The following ADCY1 variants were observed in gnomAD, a reference collection of about 807,000 sequenced individuals.
ADCY1 encodes adenylate cyclase 1.
ADCY1 carries 28 observed loss-of-function variants against 105.4 expected under a neutral mutation model. That is an observed-to-expected ratio of 0.27 (90% CI 0.20 to 0.36). The LOEUF is 0.36. ADCY1 is among the 10% of genes least tolerant of loss of function. The probability of loss-of-function intolerance (pLI) is 1.00; values close to 1 mark genes in which losing one functional copy is unlikely to be tolerated. For missense variants in ADCY1, 977 were observed against 1,434.2 expected (o/e 0.68, Z 5.15); for synonymous variants, 655 against 623.8 (o/e 1.05, Z -0.75).
chr7:45,614,134 T>C (rs1793667496), intron 3 of ADCY1, among the ~76,000 whole-genome samples: 1 of 152,198 alleles, frequency 6.6e-6, no homozygotes, highest in African/African-American at 2.4e-5. Context: ...ACTGTAATTG[T>C]AGTGCATAAA....
At chr7:45,639,424 A>G (rs909658041) in intron 4 of ADCY1, among the ~76,000 whole-genome samples, 14 of 152,212 alleles carry the variant, frequency 9.2e-5, no homozygotes, top group Admixed American at 5.2e-4. Flanking sequence ...TAACAGGAAC[A>G]TGAACTGGTT....
intron 14 of ADCY1, among the ~76,000 whole-genome samples, chr7:45,693,754 G>T (rs1165306357): frequency 6.8e-6 from 1 of 146,886 alleles, no homozygotes; most frequent in Non-Finnish European, 1.5e-5. Flanking sequence ...AGAAAATGTG[G>T]CACATATACA....
intron 1 of ADCY1, among the ~76,000 whole-genome samples, chr7:45,578,446 T>C (rs1365159740): frequency 6.6e-6 from 1 of 152,228 alleles, no homozygotes; most frequent in East Asian, 1.9e-4. Flanking sequence ...ACTGAAAGCA[T>C]CCTATTCAAG....
intron 2 of ADCY1, among the ~76,000 whole-genome samples, chr7:45,601,230 G>T (rs1035141237): frequency 3.9e-5 from 6 of 152,132 alleles, no homozygotes; most frequent in Non-Finnish European, 7.3e-5. Context: ...GTCCCTTCCT[G>T]CTGGGTTTCC....
chr7:45,587,325 G>A (rs567829024), intron 1 of ADCY1, among the ~76,000 whole-genome samples: 1 of 152,144 alleles, frequency 6.6e-6, no homozygotes, highest in African/African-American at 2.4e-5. Flanking sequence ...AGGGCTCAGC[G>A]GGTCTCTTGT....
chr7:45,714,245 G>A lies in ADCY1; in HGVS notation c.*250G>A, dbSNP rs1287106252. On this transcript the variant is annotated 3_prime_UTR_variant, in exon 20 of 20. Transcript: ENST00000297323. ...CACTTCCAGGCCTCCCTGGAGAGGTGTCCACTCCATCCTTCCCTCCGTGGC... is the reference window on the plus strand; with the variant it reads ...CACTTCCAGGCCTCCCTGGAGAGGTATCCACTCCATCCTTCCCTCCGTGGC... The A allele has an allele frequency of 1.9e-6, 1 of 532,292 alleles. No homozygotes were observed. The highest frequency in any genetic ancestry group is 3.0e-5 in the East Asian group (1 of 33,820). The allele number at this position is 532,292 out of a possible 1,614,324, so 33.0% of individuals were successfully genotyped here.
intron 14 of ADCY1, among the ~76,000 whole-genome samples, chr7:45,697,101 A>G (rs1487100291): frequency 1.3e-5 from 2 of 152,198 alleles, no homozygotes. Context: ...AACTTCAGTC[A>G]CTGAAACTGA....
intron 19 of ADCY1, among the ~76,000 whole-genome samples, chr7:45,711,989 ATTT>A (rs1208505477): frequency 1.2e-3 from 141 of 117,462 alleles, no homozygotes; most frequent in Non-Finnish European, 2.0e-3. Flanking sequence ...TTAAATATAT[ATTT>A]TATATATTAT....
At chr7:45,704,706 G>T (rs1785074953) in intron 17 of ADCY1, 90 bp downstream of exon 17, 2 of 1,025,242 alleles carry the variant, frequency 2.0e-6, no homozygotes, top group Admixed American at 2.1e-5. Context: ...CCACACTGGG[G>T]TTTGTTTGCC....
intron 4 of ADCY1, among the ~76,000 whole-genome samples, chr7:45,626,225 A>G (rs1411933650): frequency 2.6e-5 from 4 of 152,244 alleles, no homozygotes. Context: ...GTACACCAGT[A>G]AAACTTTACA....
At chr7:45,633,253 T>C (rs1794309353) in intron 4 of ADCY1, among the ~76,000 whole-genome samples, 1 of 152,204 alleles carries the variant, frequency 6.6e-6, no homozygotes, top group South Asian at 2.1e-4. Context: ...TTTCTGATTG[T>C]TCATTACTGG....
intron 14 of ADCY1, among the ~76,000 whole-genome samples, chr7:45,700,908 G>T (rs547858260): frequency 1.6e-4 from 25 of 152,304 alleles, no homozygotes; most frequent in Middle Eastern, 6.8e-3. Flanking sequence ...TATGCTGTTT[G>T]TTATTTTGTT....
At chr7:45,660,984 GTTCATGGCTCAGGTGAGGGA>G (rs1795085008) in intron 7 of ADCY1, among the ~76,000 whole-genome samples, 3 of 151,230 alleles carry the variant, frequency 2.0e-5, no homozygotes, top group Non-Finnish European at 3.0e-5. Context: ...TAGGTGAGGG[GTTCATGGCTCAGGTGAGGGA>G]TTCAGGGCTC....
chr7:45,636,360 G>A (rs962145373), intron 4 of ADCY1, among the ~76,000 whole-genome samples: 32 of 152,120 alleles, frequency 2.1e-4, no homozygotes, highest in African/African-American at 7.2e-4. Flanking sequence ...GTAAATAGTT[G>A]TTATGCTGTA....
chr7:45,679,665 C>CT (rs1231107465), intron 10 of ADCY1, 44 bp from the exon 11 acceptor site: 4 of 1,607,208 alleles, frequency 2.5e-6, no homozygotes, highest in Non-Finnish European at 3.4e-6. Flanking sequence ...TCCGCCTCTC[C>CT]TAATCCCCAC....
At chr7:45,578,003 A>G (rs1463841473) in intron 1 of ADCY1, among the ~76,000 whole-genome samples, 1 of 152,164 alleles carries the variant, frequency 6.6e-6, no homozygotes, top group African/African-American at 2.4e-5. Context: ...TGCCCCTCCA[A>G]AGCAAGGCTC....
intron 8 of ADCY1, 55 bp downstream of exon 8, chr7:45,662,269 C>G: frequency 6.4e-7 from 1 of 1,557,220 alleles, no homozygotes; most frequent in Non-Finnish European, 8.7e-7. Context: ...TGATCTCTGT[C>G]CTGCCCTCCC....
intron 4 of ADCY1, among the ~76,000 whole-genome samples, chr7:45,641,932 C>CAAAAAAA (rs56808890): frequency 2.2e-4 from 8 of 36,402 alleles, no homozygotes; most frequent in South Asian, 2.4e-3. Context: ...GACTCCGTCT[C>CAAAAAAA]AAAAAAAAAA....
chr7:45,638,328 C>T (rs541280108), intron 4 of ADCY1, among the ~76,000 whole-genome samples: 1 of 152,246 alleles, frequency 6.6e-6, no homozygotes, highest in African/African-American at 2.4e-5. Context: ...TAGCTATTTT[C>T]TTCTGCAGTG....
Sources: gnomAD v4.1 joint callset for allele counts (sites outside exome capture counted in the v4.1 genomes callset) on GRCh38, gnomAD v4.1.1 for gene constraint, MANE v1.5 for transcripts, NCBI Gene and HGNC (gene_info 2026-07-23, HGNC 2026-07-21) for gene names.